Variants in PSAP observed in about 807,000 individuals in gnomAD.
PSAP encodes precursor of saposins.
In PSAP, 25 loss-of-function variants were observed where a neutral mutation model predicts 66.0. The observed-to-expected ratio is 0.38, with a 90% CI of 0.28 to 0.53. The LOEUF is 0.53. Among genes scored for constraint, PSAP ranks in the 20% least tolerant of loss-of-function variants. PSAP has a pLI of 0.83. For missense variants in PSAP, 649 were observed against 668.8 expected (o/e 0.97, Z 0.33); for synonymous variants, 273 against 258.9 (o/e 1.05, Z -0.52).
At chr10:71,831,605 T>C (rs1337632245) in intron 3 of PSAP, among the ~76,000 whole-genome samples, 1 of 152,212 alleles carries the variant, frequency 6.6e-6, no homozygotes, top group African/African-American at 2.4e-5. Context: ...CTTATTTCTG[T>C]ACAACCCAGA....
chr10:71,841,462 A>G (rs1369915880), intron 1 of PSAP, among the ~76,000 whole-genome samples: 1 of 152,216 alleles, frequency 6.6e-6, no homozygotes, highest in Non-Finnish European at 1.5e-5. Context: ...TGAAATCTAA[A>G]ATGTTCAGAC....
intron 7 of PSAP, chr10:71,824,005 T>A: frequency 1.2e-6 from 1 of 800,474 alleles, no homozygotes; most frequent in Non-Finnish European, 1.8e-6. Flanking sequence ...GGTGTAAGGA[T>A]GTCCCAAGAG....
intron 1 of PSAP, among the ~76,000 whole-genome samples, chr10:71,843,177 G>T (rs6480561): frequency 6.6e-6 from 1 of 151,862 alleles, no homozygotes; most frequent in Non-Finnish European, 1.5e-5. Flanking sequence ...CGAATGCACA[G>T]AGAGGAAGCC....
Position 71,825,849 on chromosome 10 carries a change from C to G in PSAP, c.765G>C (p.Met255Ile), listed in dbSNP as rs1236856292. The G allele has an allele frequency of 6.2e-7, 1 of 1,613,404 alleles. No homozygotes were observed. The highest frequency in any genetic ancestry group is 1.3e-5 in the African/African-American group (1 of 74,926). The part of the protein sequence containing the change: ...ISQYSEIAIQ[M>I]MMHMQPKEIC... ...CCGTGCCACCTACCATGTGCATCATCATCTGGATAGCAATTTCAGAATACT... is the reference window on the plus strand; with the variant it reads ...CCGTGCCACCTACCATGTGCATCATGATCTGGATAGCAATTTCAGAATACT... The change falls in exon 7 of 14, where the codon ATG (methionine) becomes ATC (isoleucine). Residue 255 changes from methionine (M) to isoleucine (I), a missense_variant. Met to Ile is a conservative substitution (Grantham distance 10, BLOSUM62 1). Transcript: ENST00000394936.
chr10:71,833,416 C>G (rs1842559013), intron 2 of PSAP, among the ~76,000 whole-genome samples: 1 of 152,182 alleles, frequency 6.6e-6, no homozygotes, highest in Non-Finnish European at 1.5e-5. Flanking sequence ...CATGATTGTG[C>G]CACTGCACTC....
rs563318116 is a variant in PSAP at position 71,824,006 on chromosome 10, G to A, written c.777+1831C>T. The A allele has an allele frequency of 2.0e-4, 154 of 753,358 alleles. No individual in the cohort carries two copies. In the African/African-American group the frequency reaches 2.5e-3, roughly 12 times the overall value. The allele number at this position is 753,358 out of a possible 1,614,324, so 46.7% of individuals were successfully genotyped here. A position where few individuals can be genotyped will look rare whatever the true frequency, so the allele number is the denominator to read the frequency against. On this transcript the variant is annotated intron_variant, in intron 7 of 13. Coordinates refer to ENST00000394936, the MANE Select transcript of PSAP (RefSeq NM_002778.4). ...CAAGCAGTTAACCAGGTGTAAGGATGTCCCAAGAGGTTCAGGGGAAATGCT... is the reference window on the plus strand; with the variant it reads ...CAAGCAGTTAACCAGGTGTAAGGATATCCCAAGAGGTTCAGGGGAAATGCT...
chr10:71,835,392 C>A (rs1027762554), intron 1 of PSAP, among the ~76,000 whole-genome samples: 2 of 151,910 alleles, frequency 1.3e-5, no homozygotes, highest in African/African-American at 4.8e-5. Context: ...CCAGCCTGGG[C>A]AACATGGCAA....
intron 1 of PSAP, among the ~76,000 whole-genome samples, chr10:71,842,005 T>TAA (rs35837949): frequency 0.018 from 2,561 of 141,388 alleles, 73 homozygotes; most frequent in African/African-American, 0.061. Context: ...GACTCCGTCT[T>TAA]AAAAAAAAAA....
At position 71,816,644 on chromosome 10, in the gene PSAP, T is replaced by C. The variant is rs141553639; in HGVS notation, c.*797A>G. The C allele has an allele frequency of 2.1e-3, 780 of 363,336 alleles. 8 individuals are homozygous for C. The highest frequency in any genetic ancestry group is 5.5e-4 in the Non-Finnish European group (98 of 177,948). 22.5% of individuals were successfully genotyped at this position (363,336 alleles called of 1,614,324 possible). On this transcript the variant is annotated 3_prime_UTR_variant, in exon 14 of 14. Transcript: ENST00000394936. ...CAGCGCCTCAACAGCCAGGGACATG[T>C]AGGCAACACGAGCAGGCACAGCGCG...
At position 71,818,689 on chromosome 10, in the gene PSAP, C is replaced by A. The variant is rs562519282; in HGVS notation, c.1467G>T (p.Leu489Phe). 5 of 1,614,168 alleles carry A rather than the reference C, an allele frequency of 3.1e-6. No individual in the cohort carries two copies. The highest frequency in any genetic ancestry group is 1.1e-5 in the South Asian group (1 of 91,086). ...CCCATATACACTTCTCAGTTCCCAA[C>A]AAGGGCTTATGGGCCGAGGGGCAGG... ...IGACPSAHKP[L>F]LGTEKCIWGP... The change falls in exon 13 of 14, where the codon TTG (leucine) becomes TTT (phenylalanine). Residue 489 changes from leucine (L) to phenylalanine (F), a missense_variant. Transcript: ENST00000394936.
rs996540614 is a variant in PSAP, at chr10:71,817,430, T to C, written c.*11A>G. On this transcript the variant is annotated 3_prime_UTR_variant, in exon 14 of 14. Coordinates refer to ENST00000394936, the MANE Select transcript of PSAP (RefSeq NM_002778.4). ...TGCTGTGGTTTCTGCCAAGATGGAA[T>C]ATTCCTCCTCCTAGTTCCACACATG... 2 of 1,613,950 alleles carry C rather than the reference T, an allele frequency of 1.2e-6. No individual in the cohort carries two copies. Among genetic ancestry groups the C allele is most frequent in the East Asian group, 4.5e-5 (2 of 44,880 alleles).
intron 1 of PSAP, among the ~76,000 whole-genome samples, chr10:71,850,550 T>C (rs1244324555): frequency 6.6e-6 from 1 of 152,170 alleles, no homozygotes; most frequent in East Asian, 1.9e-4. Context: ...CCAACCACCT[T>C]AGGCACATGT....
chr10:71,839,824 T>C (rs894008505), intron 1 of PSAP, among the ~76,000 whole-genome samples: 1 of 152,068 alleles, frequency 6.6e-6, no homozygotes, highest in Non-Finnish European at 1.5e-5. Flanking sequence ...ACTGCACTCC[T>C]GCCTGGGCGA....
intron 8 of PSAP, among the ~76,000 whole-genome samples, chr10:71,821,185 G>T (rs1468270361): frequency 6.6e-6 from 1 of 152,228 alleles, no homozygotes; most frequent in Non-Finnish European, 1.5e-5. Context: ...GGAGACAGCA[G>T]AGAGAGACCA....
chr10:71,835,247 T>A (rs536315567), intron 1 of PSAP, among the ~76,000 whole-genome samples: 1 of 130,394 alleles, frequency 7.7e-6, no homozygotes, highest in Admixed American at 7.6e-5. Flanking sequence ...AATAAATAAA[T>A]AAAATAAAAA....
At chr10:71,834,174 CCT>C (rs1166798681) in intron 2 of PSAP, among the ~76,000 whole-genome samples, 196 bp downstream of exon 2, 2 of 152,214 alleles carry the variant, frequency 1.3e-5, no homozygotes, top group Non-Finnish European at 1.5e-5. Context: ...GAAACCTTAA[CCT>C]CTCTGAGCCT....
chr10:71,844,147 C>T (rs1488057867), intron 1 of PSAP, among the ~76,000 whole-genome samples: 1 of 152,164 alleles, frequency 6.6e-6, no homozygotes, highest in African/African-American at 2.4e-5. Flanking sequence ...TTAACAAGGG[C>T]ATGCAGTAAC....
intron 1 of PSAP, among the ~76,000 whole-genome samples, chr10:71,850,218 G>A (rs1023205288): frequency 6.6e-6 from 1 of 152,084 alleles, no homozygotes. Flanking sequence ...AATCAACTAA[G>A]AGCCAGTCAC....
At chr10:71,829,858 C>T (rs1216878867) in intron 4 of PSAP, among the ~76,000 whole-genome samples, 1 of 152,034 alleles carries the variant, frequency 6.6e-6, no homozygotes, top group Non-Finnish European at 1.5e-5. Flanking sequence ...ATTAGCCGGG[C>T]ATGATGGTGG....
Sources: gnomAD v4.1 joint callset for allele counts (sites outside exome capture counted in the v4.1 genomes callset) on GRCh38, gnomAD v4.1.1 for gene constraint, MANE v1.5 for transcripts, NCBI Gene and HGNC (gene_info 2026-07-23, HGNC 2026-07-21) for gene names.